MGMT: variants seen among roughly 807,000 people sequenced by gnomAD.
MGMT encodes methylated-DNA--protein-cysteine methyltransferase.
MGMT carries 14 observed loss-of-function variants against 15.9 expected under a neutral mutation model. The ratio of observed to expected loss-of-function variants is 0.88; its 90% CI spans 0.58 to 1.37. The LOEUF (loss-of-function observed/expected upper bound fraction) is 1.37, where lower values mean the gene tolerates loss of function less well. Among genes scored for constraint, MGMT ranks in the 40% most tolerant of loss-of-function variants. MGMT has a pLI of 0.00. For missense variants in MGMT, 282 were observed against 268.1 expected, an observed-to-expected ratio of 1.05 and a Z score of -0.36; for synonymous variants, 130 against 118.2, an observed-to-expected ratio of 1.10 and a Z score of -0.65.
At chr10:129,708,416 G>A (rs1460424368) in intron 3 of MGMT, among the ~76,000 whole-genome samples, 4 of 152,168 alleles carry the variant, frequency 2.6e-5, no homozygotes, top group Middle Eastern at 3.2e-3. Flanking sequence ...AGACTTGTGC[G>A]TGGACATTTA....
intron 2 of MGMT, among the ~76,000 whole-genome samples, chr10:129,680,816 C>T (rs577322754): frequency 6.6e-6 from 1 of 152,192 alleles, no homozygotes; most frequent in African/African-American, 2.4e-5. Flanking sequence ...CCAGCGCCAT[C>T]GCCACTCCGT....
At chr10:129,614,912 A>G (rs984999202) in intron 2 of MGMT, among the ~76,000 whole-genome samples, 1 of 152,200 alleles carries the variant, frequency 6.6e-6, no homozygotes, top group Non-Finnish European at 1.5e-5. Flanking sequence ...CAGCTTTTGC[A>G]AAGCATTTTG....
At chr10:129,610,144 T>C (rs1846942472) in intron 2 of MGMT, among the ~76,000 whole-genome samples, 1 of 152,198 alleles carries the variant, frequency 6.6e-6, no homozygotes, top group African/African-American at 2.4e-5. Context: ...AATATTTGAG[T>C]TAGGATTTTT....
At chr10:129,751,290 G>A (rs189861331) in intron 3 of MGMT, among the ~76,000 whole-genome samples, 3 of 151,864 alleles carry the variant, frequency 2.0e-5, no homozygotes, top group Non-Finnish European at 4.4e-5. Flanking sequence ...TGGTCTATTC[G>A]CAGTTGTTGG....
chr10:129,498,753 T>A (rs985210695), intron 1 of MGMT, among the ~76,000 whole-genome samples: 4 of 152,134 alleles, frequency 2.6e-5, no homozygotes, highest in Non-Finnish European at 4.4e-5. Context: ...AGCCCTGGAT[T>A]CAGTCACTTC....
intron 2 of MGMT, among the ~76,000 whole-genome samples, chr10:129,652,567 C>G (rs1162730893): frequency 6.6e-6 from 1 of 152,214 alleles, no homozygotes; most frequent in African/African-American, 2.4e-5. Flanking sequence ...AGGAGGGGAG[C>G]AAGAAAGCAT....
chr10:129,478,313 T>G (rs1381341808), intron 1 of MGMT, among the ~76,000 whole-genome samples: 2 of 152,208 alleles, frequency 1.3e-5, no homozygotes, highest in Non-Finnish European at 2.9e-5. Context: ...GTCGTCTGGT[T>G]GGACACCAGC....
intron 1 of MGMT, among the ~76,000 whole-genome samples, chr10:129,520,958 G>C (rs1845802071): frequency 3.4e-5 from 3 of 87,958 alleles, no homozygotes; most frequent in African/African-American, 2.2e-4. Context: ...TGTGCCTACA[G>C]AGCCCCTACG....
At chr10:129,481,472 G>A (rs1292794635) in intron 1 of MGMT, among the ~76,000 whole-genome samples, 1 of 152,158 alleles carries the variant, frequency 6.6e-6, no homozygotes, top group Non-Finnish European at 1.5e-5. Context: ...ATAAAATGAG[G>A]CCTCTTCTAT....
chr10:129,523,789 C>T lies in MGMT; in HGVS notation c.-12-12452C>T, dbSNP rs1845839298. ...GCCTCATGTTCTGAGCAGAGGGTGCCATGGTATTTCTGACCAGGCGGGACC... is the reference window on the plus strand; with the variant it reads ...GCCTCATGTTCTGAGCAGAGGGTGCTATGGTATTTCTGACCAGGCGGGACC... On this transcript the variant is annotated intron_variant, in intron 1 of 4. Transcript: ENST00000651593. Among the ~76,000 whole-genome samples the T allele has an allele frequency of 2.0e-5, 3 of 152,292 alleles. No homozygotes were observed. In the South Asian group the frequency reaches 6.2e-4, roughly 32 times the overall value.
chr10:129,513,824 C>T (rs572118224), intron 1 of MGMT, among the ~76,000 whole-genome samples: 6 of 152,314 alleles, frequency 3.9e-5, no homozygotes, highest in South Asian at 2.1e-4. Flanking sequence ...CCAAACTCCA[C>T]GGCTGAGCCC....
chr10:129,695,251 T>C (rs1848017105), intron 2 of MGMT, among the ~76,000 whole-genome samples: 1 of 152,226 alleles, frequency 6.6e-6, no homozygotes, highest in African/African-American at 2.4e-5. Context: ...GGGCTTTCTA[T>C]GAAGTGAGCT....
chr10:129,626,905 G>A (rs1847156152), intron 2 of MGMT, among the ~76,000 whole-genome samples: 1 of 152,242 alleles, frequency 6.6e-6, no homozygotes. Context: ...TCTCATCTGA[G>A]TCGGTAGCAG....
intron 2 of MGMT, among the ~76,000 whole-genome samples, chr10:129,682,593 A>G (rs1277103480): frequency 6.6e-6 from 1 of 152,140 alleles, no homozygotes; most frequent in East Asian, 1.9e-4. Context: ...TTTCATTTTA[A>G]AACATAATTT....
chr10:129,550,949 G>T (rs1200846040), intron 2 of MGMT, among the ~76,000 whole-genome samples: 1 of 152,164 alleles, frequency 6.6e-6, no homozygotes, highest in South Asian at 2.1e-4. Flanking sequence ...CGTTGGTAGT[G>T]CTGTTTCGGC....
intron 1 of MGMT, among the ~76,000 whole-genome samples, chr10:129,485,156 G>C (rs1222826094): frequency 6.6e-6 from 1 of 152,152 alleles, no homozygotes; most frequent in African/African-American, 2.4e-5. Context: ...TTTGACCTCA[G>C]GGAGTTCCTT....
intron 2 of MGMT, among the ~76,000 whole-genome samples, chr10:129,686,073 C>T (rs558471239): frequency 6.6e-4 from 101 of 152,318 alleles, no homozygotes; most frequent in African/African-American, 2.3e-3. Context: ...AAGAAAATTA[C>T]TCCTTTGGCT....
At chr10:129,642,724 A>G (rs1847341438) in intron 2 of MGMT, among the ~76,000 whole-genome samples, 1 of 152,106 alleles carries the variant, frequency 6.6e-6, no homozygotes. Context: ...TAAGCATTCC[A>G]CAGGTGTATG....
intron 1 of MGMT, among the ~76,000 whole-genome samples, chr10:129,505,089 G>A (rs1762418): frequency 0.46 from 70,584 of 151,992 alleles, 16,852 homozygotes; most frequent in East Asian, 0.61. Context: ...GTACAGCACT[G>A]GTATGCTGTT....
Sources: gnomAD v4.1 joint callset for allele counts (sites outside exome capture counted in the v4.1 genomes callset) on GRCh38, gnomAD v4.1.1 for gene constraint, MANE v1.5 for transcripts, NCBI Gene and HGNC (gene_info 2026-07-23, HGNC 2026-07-21) for gene names.